Variants in RBPJ observed in about 807,000 individuals in gnomAD.
RBPJ encodes recombination signal binding protein for immunoglobulin kappa J region.
In RBPJ, 9 loss-of-function variants were observed where a neutral mutation model predicts 67.8. The observed-to-expected ratio is 0.13, with a 90% CI of 0.08 to 0.23. The LOEUF is 0.23. Ranked by LOEUF, RBPJ falls within the 10% of genes least tolerant of loss-of-function variation. The pLI, the probability that RBPJ is intolerant of heterozygous loss-of-function variation, is 1.00. For synonymous variants in RBPJ, 198 were observed against 203.3 expected (o/e 0.97, Z 0.22); for missense variants, 305 against 595.6 (o/e 0.51, Z 5.08).
the RBPJ span, among the ~76,000 whole-genome samples, chr4:26,138,089 C>T: frequency 7.0e-6 from 1 of 142,528 alleles, no homozygotes; most frequent in African/African-American, 2.5e-5. Context: ...AAGTTGAGAC[C>T]CTGGAACTGC....
At chr4:26,300,118 C>T (rs897094657) in intron 1 of RBPJ, among the ~76,000 whole-genome samples, 2 of 152,096 alleles carry the variant, frequency 1.3e-5, no homozygotes, top group Non-Finnish European at 2.9e-5. Flanking sequence ...TGGCATCGCA[C>T]CTTATCTGCC....
chr4:26,261,271 A>G (rs1487325555), intron 1 of RBPJ, among the ~76,000 whole-genome samples: 2 of 152,130 alleles, frequency 1.3e-5, no homozygotes, highest in Non-Finnish European at 2.9e-5. Context: ...GAGAAGGAAT[A>G]GGAAGAAAAG....
chr4:26,223,428 A>G (rs1718980250), intron 1 of RBPJ, among the ~76,000 whole-genome samples: 1 of 152,236 alleles, frequency 6.6e-6, no homozygotes, highest in Non-Finnish European at 1.5e-5. Context: ...ACTTTGCCTG[A>G]GGGCTCAGGG....
intron 1 of RBPJ, among the ~76,000 whole-genome samples, chr4:26,347,563 C>G (rs2109426769): frequency 6.6e-6 from 1 of 152,302 alleles, no homozygotes; most frequent in African/African-American, 2.4e-5. Context: ...TTCAGAGACC[C>G]TGGCAAGAAC....
chr4:26,174,839 A>G (rs1233917969), intron 1 of RBPJ, among the ~76,000 whole-genome samples: 1 of 152,148 alleles, frequency 6.6e-6, no homozygotes, highest in Non-Finnish European at 1.5e-5. Context: ...GTATATATAT[A>G]CACACATATA....
At chr4:26,115,451 C>A in the RBPJ span, among the ~76,000 whole-genome samples, 2 of 151,946 alleles carry the variant, frequency 1.3e-5, no homozygotes, top group Admixed American at 6.6e-5. Context: ...GTGGCGCGAT[C>A]TCAGCTCACT....
At chr4:26,420,159 G>C (rs961645939) in intron 4 of RBPJ, among the ~76,000 whole-genome samples, 1 of 121,654 alleles carries the variant, frequency 8.2e-6, no homozygotes, top group Non-Finnish European at 1.8e-5. Context: ...AATTCTGATA[G>C]CTTTATTATT....
chr4:26,147,021 A>G, the RBPJ span, among the ~76,000 whole-genome samples: 2 of 152,206 alleles, frequency 1.3e-5, no homozygotes, highest in African/African-American at 2.4e-5. Context: ...GAGTTGCCCA[A>G]TGAGGTGGCC....
intron 1 of RBPJ, among the ~76,000 whole-genome samples, chr4:26,352,634 C>A (rs574006529): frequency 6.6e-6 from 1 of 152,180 alleles, no homozygotes; most frequent in African/African-American, 2.4e-5. Context: ...ACCTGGGAGG[C>A]GGAGGTTGCA....
intron 1 of RBPJ, among the ~76,000 whole-genome samples, chr4:26,222,832 T>A (rs1279762259): frequency 1.3e-5 from 2 of 151,970 alleles, no homozygotes; most frequent in Admixed American, 1.3e-4. Context: ...TATAATCCTT[T>A]GATGTTTCCT....
intron 1 of RBPJ, among the ~76,000 whole-genome samples, chr4:26,308,242 C>T (rs1349956566): frequency 6.6e-6 from 1 of 151,942 alleles, no homozygotes; most frequent in African/African-American, 2.4e-5. Context: ...GGCCACTGCC[C>T]TCCAGCCTGG....
chr4:26,276,503 AAC>A (rs1196141501), intron 1 of RBPJ, among the ~76,000 whole-genome samples: 1 of 152,154 alleles, frequency 6.6e-6, no homozygotes, highest in Non-Finnish European at 1.5e-5. Flanking sequence ...CCTTGAAAAA[AAC>A]ACAATCCACA....
At chr4:26,206,751 C>CAAA (rs34568281) in intron 1 of RBPJ, among the ~76,000 whole-genome samples, 8 of 130,930 alleles carry the variant, frequency 6.1e-5, no homozygotes, top group African/African-American at 2.2e-4. Flanking sequence ...TTCATACCCT[C>CAAA]AAAAAAAAAA....
chr4:26,405,633 T>G (rs1733324026), intron 2 of RBPJ, among the ~76,000 whole-genome samples: 1 of 152,174 alleles, frequency 6.6e-6, no homozygotes, highest in Non-Finnish European at 1.5e-5. Flanking sequence ...GATAATTATG[T>G]ATTCGTATGT....
chr4:26,385,571 C>CTT (rs1560312327), intron 1 of RBPJ, among the ~76,000 whole-genome samples: 1 of 152,140 alleles, frequency 6.6e-6, no homozygotes, highest in East Asian at 1.9e-4. Context: ...TTTGCTCTTG[C>CTT]TTTTCTCTTT....
chr4:26,414,597 A>G (rs1577650642), intron 3 of RBPJ, among the ~76,000 whole-genome samples: 1 of 152,342 alleles, frequency 6.6e-6, no homozygotes, highest in African/African-American at 2.4e-5. Context: ...GTACAAGTCA[A>G]CATTATAATT....
intron 1 of RBPJ, chr4:26,321,258 GGGCGGC>G: frequency 6.5e-6 from 1 of 153,282 alleles, no homozygotes; most frequent in Non-Finnish European, 1.4e-5. Flanking sequence ...GCGTGAGGGC[GGGCGGC>G]GGCGGCGGCG....
At chr4:26,335,390 C>T (rs1724705901) in intron 1 of RBPJ, among the ~76,000 whole-genome samples, 1 of 151,898 alleles carries the variant, frequency 6.6e-6, no homozygotes, top group African/African-American at 2.4e-5. Flanking sequence ...CCATGTTGGC[C>T]AGGATGGTCT....
At chr4:26,344,395 C>T (rs957556619) in intron 1 of RBPJ, among the ~76,000 whole-genome samples, 8 of 151,966 alleles carry the variant, frequency 5.3e-5, no homozygotes, top group African/African-American at 1.9e-4. Flanking sequence ...CCATCACGCC[C>T]GGCTAATTTT....
Sources: allele counts gnomAD v4.1 joint callset (sites outside exome capture counted in the v4.1 genomes callset), GRCh38; gene constraint gnomAD v4.1.1; transcripts MANE v1.5; gene names NCBI Gene and HGNC (gene_info 2026-07-23, HGNC 2026-07-21).